ABRACL: variants seen among roughly 807,000 people sequenced by gnomAD.
ABRACL encodes costars family protein ABRACL.
Under a neutral mutation model 7.0 loss-of-function variants are expected in ABRACL, and 4 were observed. That is an observed-to-expected ratio of 0.57 (90% CI 0.28 to 1.30). The LOEUF (loss-of-function observed/expected upper bound fraction) is 1.30. Among genes scored for constraint, ABRACL ranks in the 50% most tolerant of loss-of-function variants. The probability of loss-of-function intolerance (pLI) is 0.10; values close to 1 mark genes in which losing one functional copy is unlikely to be tolerated. For missense variants in ABRACL, 104 were observed against 97.3 expected (o/e 1.07, Z -0.29); for synonymous variants, 30 against 36.0 (o/e 0.83, Z 0.60).
intron 2 of ABRACL, among the ~76,000 whole-genome samples, chr6:139,039,002 T>G (rs1269178834): frequency 6.6e-6 from 1 of 152,192 alleles, no homozygotes; most frequent in African/African-American, 2.4e-5. Flanking sequence ...GGCAGGCAGA[T>G]TGCCTGAGGT....
At chr6:139,033,003 G>C (rs991213911) in intron 1 of ABRACL, among the ~76,000 whole-genome samples, 1 of 152,222 alleles carries the variant, frequency 6.6e-6, no homozygotes, top group African/African-American at 2.4e-5. Flanking sequence ...GGGGCACCCG[G>C]TGCTATGGGA....
chr6:139,035,827 C>T (rs577219317), intron 2 of ABRACL, among the ~76,000 whole-genome samples: 8 of 150,172 alleles, frequency 5.3e-5, no homozygotes, highest in African/African-American at 1.2e-4. Flanking sequence ...ACCAGCCAGG[C>T]GCAGTGGCTC....
intron 1 of ABRACL, 144 bp from the exon 2 acceptor site, chr6:139,034,011 C>A: frequency 9.2e-7 from 1 of 1,089,142 alleles, no homozygotes; most frequent in Non-Finnish European, 1.3e-6. Flanking sequence ...GTGCCACATG[C>A]ATCACACAAA....
intron 2 of ABRACL, among the ~76,000 whole-genome samples, chr6:139,034,784 A>C (rs1273069274): frequency 6.6e-6 from 1 of 152,172 alleles, no homozygotes; most frequent in African/African-American, 2.4e-5. Flanking sequence ...TTTAAGAAAA[A>C]TTATCTTTTT....
intron 1 of ABRACL, among the ~76,000 whole-genome samples, chr6:139,032,877 C>T (rs899635765): frequency 6.6e-6 from 1 of 152,198 alleles, no homozygotes; most frequent in Admixed American, 6.5e-5. Context: ...TTACCCTCTA[C>T]TCTTAGTGCC....
chr6:139,032,948 G>C (rs1011088554), intron 1 of ABRACL, among the ~76,000 whole-genome samples: 1 of 152,244 alleles, frequency 6.6e-6, no homozygotes, highest in Non-Finnish European at 1.5e-5. Context: ...TTACCCTGTA[G>C]AAGTGAAAGT....
In ABRACL at chr6:139,035,546, A is replaced by G. The variant is rs561064657; in HGVS notation, c.61+1325A>G. ...CACTCAGGCTAGAGTGCAGTGGTGC[A>G]ATCTCAGCTCACTGCAACCTCCGCC... On this transcript the variant is annotated intron_variant, in intron 2 of 2. Coordinates refer to ENST00000367660, the MANE Select transcript of ABRACL (RefSeq NM_021243.3). Among the ~76,000 whole-genome samples the G allele has an allele frequency of 2.6e-5, 4 of 151,880 alleles. No individual in the cohort carries two copies. In the South Asian group the frequency reaches 8.3e-4, roughly 32 times the overall value.
chr6:139,030,769 A>G (rs1786070214), intron 1 of ABRACL, among the ~76,000 whole-genome samples: 1 of 152,200 alleles, frequency 6.6e-6, no homozygotes, highest in Non-Finnish European at 1.5e-5. Context: ...GGAAACAGCC[A>G]CCACGATGTG....
At position 139,034,234 on chromosome 6, in the gene ABRACL, C is replaced by T; in HGVS notation, c.61+13C>T. ...TTGGGTTCAAAAAGTAAGTATCTGA[C>T]AGAGATAGAGTATTTCTCCTGGCTT... On this transcript the variant is annotated intron_variant, in intron 2 of 2. Coordinates refer to ENST00000367660, the MANE Select transcript of ABRACL (RefSeq NM_021243.3). 1 of 1,614,130 alleles carries T rather than the reference C, an allele frequency of 6.2e-7. No individual in the cohort carries two copies. Among genetic ancestry groups the T allele is most frequent in the Non-Finnish European group, 8.5e-7 (1 of 1,180,036 alleles).
In ABRACL at chr6:139,028,852, C is replaced by G. The variant is rs555285906; in HGVS notation, c.-30C>G. 6.6e-6 allele frequency: 1 copy of G among 152,642 alleles called. No individual in the cohort carries two copies. The highest frequency in any genetic ancestry group is 1.5e-5 in the Non-Finnish European group (1 of 68,280). 9.5% of individuals were successfully genotyped at this position (152,642 alleles called of 1,614,324 possible). A position where few individuals can be genotyped will look rare whatever the true frequency, so the allele number is the denominator to read the frequency against. On this transcript the variant is annotated 5_prime_UTR_variant, in exon 1 of 3. Coordinates refer to ENST00000367660, the MANE Select transcript of ABRACL (RefSeq NM_021243.3). ...GACCCACGCGGCGCCAGTTCTCCGGCGGGAAGGAAAACCGCGCAGAGAGGT... is the reference window on the plus strand; with the variant it reads ...GACCCACGCGGCGCCAGTTCTCCGGGGGGAAGGAAAACCGCGCAGAGAGGT...
chr6:139,038,808 C>T (rs375089262), intron 2 of ABRACL, among the ~76,000 whole-genome samples: 8 of 152,318 alleles, frequency 5.3e-5, no homozygotes, highest in Non-Finnish European at 1.0e-4. Context: ...AAATGAATCC[C>T]AGCTCCTCTA....
At chr6:139,030,564 A>C (rs910196276) in intron 1 of ABRACL, among the ~76,000 whole-genome samples, 27 of 152,204 alleles carry the variant, frequency 1.8e-4, no homozygotes, top group Non-Finnish European at 5.9e-5. Context: ...AAATAAATAA[A>C]ACGTCAAATT....
chr6:139,036,753 G>A (rs920045101), intron 2 of ABRACL, among the ~76,000 whole-genome samples: 1 of 152,128 alleles, frequency 6.6e-6, no homozygotes, highest in Admixed American at 6.5e-5. Flanking sequence ...GGGGGCCAAG[G>A]TGGGAGGATC....
chr6:139,030,499 G>C (rs1220733054), intron 1 of ABRACL, among the ~76,000 whole-genome samples: 1 of 152,082 alleles, frequency 6.6e-6, no homozygotes, highest in Non-Finnish European at 1.5e-5. Flanking sequence ...GGTCTTTAAA[G>C]GATTGTGTCA....
chr6:139,043,053 T>C lies in ABRACL; in HGVS notation c.*150T>C. On this transcript the variant is annotated 3_prime_UTR_variant, in exon 3 of 3. Transcript: ENST00000367660. ...TCATGTTTTAGAAGTCTGTCCTTTT[T>C]TATATCTTGAAAGAAAATCTATGTA... 1 of 571,278 alleles carries C rather than the reference T, an allele frequency of 1.8e-6. No individual in the cohort carries two copies. The highest frequency in any genetic ancestry group is 4.3e-5 in the South Asian group (1 of 23,520). The allele number at this position is 571,278 out of a possible 1,614,324, so 35.4% of individuals were successfully genotyped here. A position where few individuals can be genotyped will look rare whatever the true frequency, so the allele number is the denominator to read the frequency against.
intron 2 of ABRACL, among the ~76,000 whole-genome samples, chr6:139,039,316 A>T (rs2114312633): frequency 6.6e-6 from 1 of 152,324 alleles, no homozygotes; most frequent in East Asian, 1.9e-4. Flanking sequence ...AATATAAAAT[A>T]ATGATGCTTC....
At chr6:139,034,079 C>T in intron 1 of ABRACL, 76 bp from the exon 2 acceptor site, 3 of 1,585,358 alleles carry the variant, frequency 1.9e-6, no homozygotes, top group Non-Finnish European at 2.6e-6. Context: ...CTGAACAAGA[C>T]AAAGGGCTCT....
At chr6:139,037,541 G>A (rs1256223873) in intron 2 of ABRACL, among the ~76,000 whole-genome samples, 6 of 151,702 alleles carry the variant, frequency 4.0e-5, no homozygotes, top group African/African-American at 1.2e-4. Context: ...GATTACAGGC[G>A]TGAGCCACTT....
chr6:139,034,860 T>A (rs1786130539), intron 2 of ABRACL, among the ~76,000 whole-genome samples: 1 of 152,202 alleles, frequency 6.6e-6, no homozygotes, highest in Admixed American at 6.5e-5. Context: ...GTTAGTGTCT[T>A]CTTCCTAAGT....
Sources: gnomAD v4.1 joint callset for allele counts (sites outside exome capture counted in the v4.1 genomes callset) on GRCh38, gnomAD v4.1.1 for gene constraint, MANE v1.5 for transcripts, NCBI Gene and HGNC (gene_info 2026-07-23, HGNC 2026-07-21) for gene names.